SGCZ: variants seen among roughly 807,000 people sequenced by gnomAD.
SGCZ encodes sarcoglycan zeta.
A neutral mutation model predicts 41.3 loss-of-function variants in SGCZ; 40 were observed. That is an observed-to-expected ratio of 0.97 (90% CI 0.75 to 1.26). SGCZ has a LOEUF of 1.26. SGCZ is among the 50% of genes most tolerant of loss of function. SGCZ has a pLI of 0.00. For missense variants in SGCZ, 552 were observed against 369.8 expected (o/e 1.49, Z -4.04); for synonymous variants, 206 against 137.5 (o/e 1.50, Z -3.49).
chr8:14,730,778 C>T (rs540531293), intron 1 of SGCZ, among the ~76,000 whole-genome samples: 1 of 151,830 alleles, frequency 6.6e-6, no homozygotes, highest in East Asian at 1.9e-4. Context: ...TGGAATGAAA[C>T]TGATGTTAAA....
At chr8:14,119,358 CTGTT>C (rs530681483) in intron 5 of SGCZ, among the ~76,000 whole-genome samples, 2 of 150,258 alleles carry the variant, frequency 1.3e-5, no homozygotes, top group African/African-American at 4.9e-5. Context: ...ATTTGGCTCT[CTGTT>C]TGTCTATTAT....
chr8:15,119,024 C>G (rs1807379122), intron 1 of SGCZ, among the ~76,000 whole-genome samples: 1 of 152,066 alleles, frequency 6.6e-6, no homozygotes, highest in African/African-American at 2.4e-5. Flanking sequence ...AGAAGGCACG[C>G]TTTTGGGAAA....
intron 1 of SGCZ, among the ~76,000 whole-genome samples, chr8:14,746,237 C>A (rs950765231): frequency 9.2e-5 from 14 of 152,002 alleles, no homozygotes; most frequent in African/African-American, 3.1e-4. Context: ...TTTTAAAAAA[C>A]CTGCTTTTTA....
intron 2 of SGCZ, among the ~76,000 whole-genome samples, chr8:14,433,256 G>A (rs867675848): frequency 2.0e-5 from 3 of 152,136 alleles, no homozygotes; most frequent in African/African-American, 7.2e-5. Context: ...TCTGAATAAA[G>A]ATAACATTTA....
At chr8:14,376,873 A>G (rs1804151400) in intron 2 of SGCZ, among the ~76,000 whole-genome samples, 1 of 152,226 alleles carries the variant, frequency 6.6e-6, no homozygotes, top group Non-Finnish European at 1.5e-5. Context: ...CCAGTTAAAT[A>G]TTGGAAAACC....
chr8:14,787,306 T>G (rs1053790505), intron 1 of SGCZ, among the ~76,000 whole-genome samples: 5 of 152,210 alleles, frequency 3.3e-5, no homozygotes, highest in Middle Eastern at 3.4e-3. Flanking sequence ...TGTGCAAACC[T>G]CCCAAACTTA....
At chr8:15,048,084 TACC>T (rs1157093274) in intron 1 of SGCZ, among the ~76,000 whole-genome samples, 1 of 152,016 alleles carries the variant, frequency 6.6e-6, no homozygotes, top group Non-Finnish European at 1.5e-5. Flanking sequence ...GGAGTCAATC[TACC>T]ATTCATTGGC....
chr8:14,352,839 A>T (rs1803150988), intron 2 of SGCZ, among the ~76,000 whole-genome samples: 1 of 152,130 alleles, frequency 6.6e-6, no homozygotes, highest in Admixed American at 6.6e-5. Context: ...TCATATTTTT[A>T]GGTGTCTTTT....
intron 3 of SGCZ, among the ~76,000 whole-genome samples, chr8:14,283,415 T>C (rs1355028439): frequency 6.6e-6 from 1 of 152,202 alleles, no homozygotes. Flanking sequence ...CTAATGTTTC[T>C]CGTTCAACAA....
chr8:14,335,512 G>A (rs749702205), intron 2 of SGCZ, among the ~76,000 whole-genome samples: 31 of 151,970 alleles, frequency 2.0e-4, no homozygotes, highest in Middle Eastern at 3.4e-3. Context: ...CATCTTATCC[G>A]TTATACCTTA....
intron 1 of SGCZ, among the ~76,000 whole-genome samples, chr8:14,744,606 T>C (rs1799290976): frequency 6.6e-6 from 1 of 152,132 alleles, no homozygotes; most frequent in South Asian, 2.1e-4. Flanking sequence ...CGTAGAGGTG[T>C]AGTTCATTTG....
At chr8:14,693,349 T>C (rs62493149) in intron 1 of SGCZ, among the ~76,000 whole-genome samples, 59,805 of 150,656 alleles carry the variant, frequency 0.4, 14,110 homozygotes, top group Non-Finnish European at 0.54. Flanking sequence ...TGGAGTGCAA[T>C]GGCACGATCT....
rs549804986 is a variant in SGCZ, at chr8:14,679,479, C to A, written c.40-124553G>T. Among the ~76,000 whole-genome samples, 375 of 150,620 alleles carry A rather than the reference C, an allele frequency of 2.5e-3. 1 individual carries two copies. The highest frequency in any genetic ancestry group is 4.0e-3 in the Non-Finnish European group (270 of 67,666). ...TGTGTGTTCGTGTATTAGTTTTTATCAAAAAAGTAATATATATACATATAT... is the reference window on the plus strand; with the variant it reads ...TGTGTGTTCGTGTATTAGTTTTTATAAAAAAAGTAATATATATACATATAT... On this transcript the variant is annotated intron_variant, in intron 1 of 7. Coordinates refer to ENST00000382080, the MANE Select transcript of SGCZ (RefSeq NM_139167.4).
intron 1 of SGCZ, among the ~76,000 whole-genome samples, chr8:14,710,207 A>T (rs921646418): frequency 5.3e-5 from 7 of 131,726 alleles, no homozygotes; most frequent in African/African-American, 1.2e-4. Context: ...CTACTAAAAA[A>T]AACAAAAAAA....
At chr8:14,339,542 G>A (rs146395468) in intron 2 of SGCZ, among the ~76,000 whole-genome samples, 8 of 152,246 alleles carry the variant, frequency 5.3e-5, no homozygotes, top group East Asian at 1.9e-4. Flanking sequence ...TCCACACGAC[G>A]AATCAGTTGC....
intron 1 of SGCZ, among the ~76,000 whole-genome samples, chr8:14,586,723 A>G (rs1334737007): frequency 1.3e-5 from 2 of 152,192 alleles, no homozygotes; most frequent in African/African-American, 4.8e-5. Flanking sequence ...TACTGGTACT[A>G]AAAATGTATT....
intron 1 of SGCZ, among the ~76,000 whole-genome samples, chr8:14,776,735 C>T (rs1475197177): frequency 2.6e-5 from 4 of 151,908 alleles, no homozygotes; most frequent in South Asian, 2.1e-4. Flanking sequence ...CCTTGTGACC[C>T]GCCCACCTGG....
At chr8:14,890,413 T>G (rs1386204992) in intron 1 of SGCZ, among the ~76,000 whole-genome samples, 1 of 152,208 alleles carries the variant, frequency 6.6e-6, no homozygotes, top group Non-Finnish European at 1.5e-5. Flanking sequence ...TTTAGTGGTC[T>G]AGATGGATGA....
intron 2 of SGCZ, among the ~76,000 whole-genome samples, chr8:14,334,625 T>G (rs1284124017): frequency 6.6e-6 from 1 of 152,126 alleles, no homozygotes; most frequent in Non-Finnish European, 1.5e-5. Context: ...CCCTGATTCA[T>G]TTCCCAGCAC....
Sources: allele counts gnomAD v4.1 joint callset (sites outside exome capture counted in the v4.1 genomes callset), GRCh38; gene constraint gnomAD v4.1.1; transcripts MANE v1.5; gene names NCBI Gene and HGNC (gene_info 2026-07-23, HGNC 2026-07-21).